The following PRRC2C variants were observed in gnomAD, a reference collection of about 807,000 sequenced individuals.
The protein encoded by PRRC2C is proline rich coiled-coil 2C, also known as protein PRRC2C.
In PRRC2C, 72 loss-of-function variants were observed where a neutral mutation model predicts 317.2. The observed-to-expected ratio is 0.23, with a 90% CI of 0.19 to 0.28. The LOEUF (loss-of-function observed/expected upper bound fraction) is 0.28, where lower values mean the gene tolerates loss of function less well. Among genes scored for constraint, PRRC2C ranks in the 10% least tolerant of loss-of-function variants. PRRC2C has a pLI of 1.00. For missense variants in PRRC2C, 3,074 were observed against 3,459.7 expected, an observed-to-expected ratio of 0.89 and a Z score of 2.80; for synonymous variants, 1,296 against 1,205.9, an observed-to-expected ratio of 1.07 and a Z score of -1.55.
chr1:171,504,037 A>G (rs1431115743), intron 1 of PRRC2C, among the ~76,000 whole-genome samples: 2 of 152,130 alleles, frequency 1.3e-5, no homozygotes, highest in Admixed American at 6.5e-5. Context: ...ACAATTCAAG[A>G]TGAAATTTGG....
Position 171,537,352 on chromosome 1 carries a change from G to A in PRRC2C, c.2383G>A (p.Ala795Thr), listed in dbSNP as rs777317615. Residue 795 changes from alanine (A) to threonine (T), a missense_variant, in exon 15 of 35, where the codon GCA becomes ACA. Around this residue, in one of 11 missense-constraint regions of PRRC2C, gnomAD observed 1,320 missense variants for 1,395.7 expected, o/e 0.95. Coordinates refer to ENST00000647382, the MANE Select transcript of PRRC2C (RefSeq NM_001387844.1). ...GTCATTTGAGCATATAGCTCGATCT[G>A]CAAGAGATCACGCAATTTCCCTTTC... is the stretch of plus-strand genomic sequence containing the variant. ...SESFEHIARS[A>T]RDHAISLSEP... 2.5e-6 allele frequency: 4 copies of A among 1,594,850 alleles called. No individual in the cohort carries two copies. The East Asian group carries it at 9.0e-5, about 36-fold the overall frequency.
At chr1:171,506,683 T>G (rs2102195946) in intron 1 of PRRC2C, among the ~76,000 whole-genome samples, 1 of 104,262 alleles carries the variant, frequency 9.6e-6, no homozygotes, top group East Asian at 2.4e-4. Flanking sequence ...ACTATTTTTT[T>G]TCTTTGTGTG....
intron 32 of PRRC2C, among the ~76,000 whole-genome samples, chr1:171,588,029 G>C (rs1028860886): frequency 1.3e-5 from 2 of 152,048 alleles, no homozygotes; most frequent in African/African-American, 2.4e-5. Context: ...CTAGAGTGCA[G>C]TGCCATGATT....
At chr1:171,489,209 G>GT (rs1168841013) in intron 1 of PRRC2C, among the ~76,000 whole-genome samples, 1 of 151,940 alleles carries the variant, frequency 6.6e-6, no homozygotes, top group Non-Finnish European at 1.5e-5. Context: ...ATGCTGTCAG[G>GT]TTTTTTTTCC....
At chr1:171,512,862 T>G in intron 2 of PRRC2C, 133 bp from the exon 3 acceptor site, 3 of 849,256 alleles carry the variant, frequency 3.5e-6, no homozygotes, top group Non-Finnish European at 5.1e-6. Context: ...AGTTTTAAAA[T>G]TATTATTTTA....
intron 1 of PRRC2C, among the ~76,000 whole-genome samples, chr1:171,496,789 G>T (rs981339055): frequency 1.3e-5 from 2 of 151,552 alleles, no homozygotes; most frequent in African/African-American, 4.9e-5. Flanking sequence ...GTGTGTGTGT[G>T]TGTGTGTGTG....
intron 29 of PRRC2C, 23 bp from the exon 30 acceptor site, chr1:171,584,396 T>TTTTCTTAAAAAA: frequency 6.5e-7 from 1 of 1,531,358 alleles, no homozygotes; most frequent in Non-Finnish European, 8.8e-7. Context: ...CTTACTCATG[T>TTTTCTTAAAAAA]TTTCTTAAAA....
Position 171,568,335 on chromosome 1 carries a change from A to G in PRRC2C, c.6647A>G (p.Asn2216Ser). Residue 2216 changes from asparagine (N) to serine (S), a missense_variant, in exon 23 of 35, where the codon AAT (asparagine) becomes AGT (serine). By Grantham distance (46) the Asn-to-Ser change is conservative. This residue lies in a region of PRRC2C where 640 missense variants were observed against 676.1 expected (regional missense o/e 0.95). Transcript: ENST00000647382. ...NNTKMEDTLVNNVPLPNTLPL... is the reference protein window; with the variant it reads ...NNTKMEDTLVSNVPLPNTLPL... ...ACAAAGATGGAGGATACTTTGGTTAATAATGTAAGTAATCAGTTTGAGATG... is the reference window on the plus strand; with the variant it reads ...ACAAAGATGGAGGATACTTTGGTTAGTAATGTAAGTAATCAGTTTGAGATG... The G allele has an allele frequency of 6.3e-7, 1 of 1,598,300 alleles. No individual in the cohort carries two copies. The highest frequency in any genetic ancestry group is 8.5e-7 in the Non-Finnish European group (1 of 1,171,154).
At chr1:171,516,772 G>T (rs964695863) in intron 5 of PRRC2C, among the ~76,000 whole-genome samples, 1 of 152,200 alleles carries the variant, frequency 6.6e-6, no homozygotes, top group Non-Finnish European at 1.5e-5. Context: ...CTTGACTGGG[G>T]CTGTACTTCC....
At chr1:171,514,206 GTTCAC>G (rs925660849) in intron 3 of PRRC2C, among the ~76,000 whole-genome samples, 1 of 151,954 alleles carries the variant, frequency 6.6e-6, no homozygotes, top group Non-Finnish European at 1.5e-5. Context: ...AATTATAAGT[GTTCAC>G]TTCTTCAAAA....
rs777760793 is a variant in PRRC2C at position 171,540,116 on chromosome 1, G to C, written c.2650G>C (p.Val884Leu). ...GTTTTTAAGCAGATCTGTGGAAGAT[G>C]TTAGACCTCACCATACTGATGCAAA... ...QKFLSRSVED[V>L]RPHHTDANNQ... Residue 884 changes from valine (V) to leucine (L), a missense_variant, in exon 16 of 35, where the codon GTT becomes CTT. Physicochemically the swap from Val to Leu is conservative, Grantham distance 32. Around this residue, in one of 11 missense-constraint regions of PRRC2C, gnomAD observed 1,320 missense variants for 1,395.7 expected, o/e 0.95. Coordinates refer to ENST00000647382, the MANE Select transcript of PRRC2C (RefSeq NM_001387844.1). The C allele has an allele frequency of 1.9e-6, 3 of 1,613,978 alleles. No individual in the cohort carries two copies. The East Asian group carries it at 6.7e-5, about 36-fold the overall frequency.
At chr1:171,542,791 C>T (rs918874887) in intron 16 of PRRC2C, among the ~76,000 whole-genome samples, 7 of 151,906 alleles carry the variant, frequency 4.6e-5, no homozygotes, top group African/African-American at 1.5e-4. Flanking sequence ...GATGGAGTCT[C>T]GCCTTGTCAC....
At position 171,550,228 on chromosome 1, in the gene PRRC2C, A is replaced by G; in HGVS notation, c.5115A>G (p.Glu1705=). ...LQDEERRKKE[E]QVIQVWNKKN... ...ATGAAGAACGCCGAAAGAAGGAAGA[A>G]CAAGTCATACAGGTTTAAATCTTGT... The change falls in exon 18 of 35, where the codon GAA becomes GAG. Residue 1705 remains glutamate (E), a synonymous_variant. Coordinates refer to ENST00000647382, the MANE Select transcript of PRRC2C (RefSeq NM_001387844.1). 6.3e-7 allele frequency: 1 copy of G among 1,596,036 alleles called. No homozygotes were observed. The highest frequency in any genetic ancestry group is 8.5e-7 in the Non-Finnish European group (1 of 1,170,862).
rs367953001 is a variant in PRRC2C at position 171,541,911 on chromosome 1, C to T, written c.4445C>T (p.Thr1482Ile). Residue 1482 changes from threonine (T) to isoleucine (I), a missense_variant, in exon 16 of 35, where the codon ACA (threonine) becomes ATA (isoleucine). Physicochemically the swap from Thr to Ile is moderately conservative, Grantham distance 89. Around this residue, in one of 11 missense-constraint regions of PRRC2C, gnomAD observed 1,320 missense variants for 1,395.7 expected, o/e 0.95. Transcript: ENST00000647382. The surrounding 1 kb of genome is among the most constrained non-coding windows in gnomAD (Gnocchi z 4.1). ...NTLGDISGNK[T>I]PDLSNQNSSD... The stretch of plus-strand genomic sequence containing the variant: ...CTTGGGGATATTTCCGGGAATAAGA[C>T]ACCAGATTTATCTAATCAGAACTCT... 15 of 1,613,476 alleles carry T rather than the reference C, an allele frequency of 9.3e-6. No homozygotes were observed. Among genetic ancestry groups the T allele is most frequent in the Non-Finnish European group, 1.3e-5 (15 of 1,179,790 alleles).
At chr1:171,579,316 G>T (rs1400521833) in intron 26 of PRRC2C, 38 bp from the exon 27 acceptor site, 1 of 1,540,496 alleles carries the variant, frequency 6.5e-7, no homozygotes, top group Non-Finnish European at 8.8e-7. Context: ...CTGAAATTAG[G>T]ACACTTACTA....
Position 171,514,588 on chromosome 1 carries a change from G to C in PRRC2C, c.343G>C (p.Glu115Gln). Residue 115 changes from glutamate (E) to glutamine (Q), a missense_variant, in exon 4 of 35, where the codon GAA becomes CAA. By Grantham distance (29) the Glu-to-Gln change is conservative. Transcript: ENST00000647382. ...AAAACCTGGGGTTGCAGCTCCCCCA[G>C]AAGTAGCACCTGCTCCCAAATCATG... ...QPKPGVAAPP[E>Q]VAPAPKSWAS... The C allele has an allele frequency of 2.6e-6, 4 of 1,561,926 alleles. No individual in the cohort carries two copies. In the South Asian group the frequency reaches 3.5e-5, roughly 14 times the overall value.
chr1:171,539,933 G>C (rs1677656360), intron 15 of PRRC2C, 38 bp from the exon 16 acceptor site: 1 of 1,507,018 alleles, frequency 6.6e-7, no homozygotes, highest in Admixed American at 2.0e-5. Flanking sequence ...GGGAAAGATT[G>C]CTTTGTTGAT....
rs563231930 is a variant in PRRC2C, at chr1:171,587,823, G to C, written c.8072+72G>C. ...TATTTGTTAAATACTTATCAGTCCT[G>C]TGTGACATAATCCCTTTTCCAAGCA... On this transcript the variant is annotated intron_variant, in intron 32 of 34. Transcript: ENST00000647382. The C allele has an allele frequency of 1.1e-4, 104 of 952,472 alleles. 3 individuals carry two copies. The South Asian group carries it at 1.5e-3, about 13-fold the overall frequency. 59.0% of individuals were successfully genotyped at this position (952,472 alleles called of 1,614,324 possible).
intron 30 of PRRC2C, among the ~76,000 whole-genome samples, chr1:171,584,855 C>T (rs1226929563): frequency 2.6e-5 from 4 of 152,092 alleles, no homozygotes; most frequent in Non-Finnish European, 5.9e-5. Context: ...TCATTGCAGC[C>T]CAACCTCCCA....
Sources: allele counts gnomAD v4.1 joint callset (sites outside exome capture counted in the v4.1 genomes callset), GRCh38; gene constraint gnomAD v4.1.1; regional missense constraint gnomAD v4.1.1; non-coding constraint Gnocchi (gnomAD v3.1); transcripts MANE v1.5; gene names NCBI Gene and HGNC (gene_info 2026-07-23, HGNC 2026-07-21).